Variants in GRIK2 observed in about 807,000 individuals in gnomAD.
GRIK2 encodes the protein glutamate ionotropic receptor kainate type subunit 2, also known as glutamate receptor ionotropic, kainate 2.
Under a neutral mutation model 100.3 loss-of-function variants are expected in GRIK2, and 32 were observed. That is an observed-to-expected ratio of 0.32 (90% CI 0.24 to 0.43). GRIK2 has a LOEUF of 0.43. Among genes scored for constraint, GRIK2 ranks in the 20% least tolerant of loss-of-function variants. The pLI is 1.00. For synonymous variants in GRIK2, 417 were observed against 389.4 expected (o/e 1.07, Z -0.83); for missense variants, 843 against 1,114.9 (o/e 0.76, Z 3.47).
At chr6:101,843,954 TATC>T (rs1298671809) in intron 10 of GRIK2, among the ~76,000 whole-genome samples, 3 of 152,172 alleles carry the variant, frequency 2.0e-5, no homozygotes, top group African/African-American at 7.2e-5. Flanking sequence ...TAAGAGTAGA[TATC>T]ATATCTTTTT....
chr6:101,995,656 C>CA (rs1794611818), intron 14 of GRIK2, among the ~76,000 whole-genome samples: 1 of 151,754 alleles, frequency 6.6e-6, no homozygotes, highest in African/African-American at 2.4e-5. Flanking sequence ...TCAAATATTT[C>CA]AATCCTAGAG....
intron 7 of GRIK2, among the ~76,000 whole-genome samples, chr6:101,772,452 A>G (rs1778465078): frequency 6.6e-6 from 1 of 152,160 alleles, no homozygotes; most frequent in South Asian, 2.1e-4. Flanking sequence ...TACTAGGACC[A>G]TACTCCTGGT....
chr6:101,766,015 A>G (rs1778026426), intron 7 of GRIK2, among the ~76,000 whole-genome samples: 1 of 152,096 alleles, frequency 6.6e-6, no homozygotes, highest in Non-Finnish European at 1.5e-5. Context: ...ACTGTTCTTG[A>G]TTAAAGTATG....
Position 101,984,549 on chromosome 6 carries a change from C to T in GRIK2, c.2086-50792C>T, listed in dbSNP as rs149674887. 2.1e-4 allele frequency among the ~76,000 whole-genome samples: 32 copies of T among 150,748 alleles called. 1 individual carries two copies. In the East Asian group the frequency reaches 6.3e-3, roughly 30 times the overall value. ...CAACAGTTACTTAGGAAGAATTAAA[C>T]TGATGCAGTTACTCTAGTAGAATCA... On this transcript the variant is annotated intron_variant, in intron 14 of 16. Transcript: ENST00000369134.
intron 12 of GRIK2, among the ~76,000 whole-genome samples, chr6:101,917,733 C>T (rs1789212939): frequency 6.6e-6 from 1 of 151,184 alleles, no homozygotes; most frequent in Non-Finnish European, 1.5e-5. Context: ...TTTTTCCCCA[C>T]AAATACAGAA....
At chr6:102,048,938 C>A (rs1466730789) in intron 15 of GRIK2, among the ~76,000 whole-genome samples, 1 of 151,924 alleles carries the variant, frequency 6.6e-6, no homozygotes, top group African/African-American at 2.4e-5. Context: ...AAGCAATACC[C>A]AGTAAGCCCT....
At chr6:101,546,061 A>G (rs2518311) in intron 2 of GRIK2, among the ~76,000 whole-genome samples, 94,521 of 151,806 alleles carry the variant, frequency 0.62, 29,803 homozygotes, top group Middle Eastern at 0.68. Context: ...ACTTACTTAA[A>G]TGTATTGCAT....
chr6:101,994,229 G>A (rs1458352645), intron 14 of GRIK2, among the ~76,000 whole-genome samples: 2 of 150,452 alleles, frequency 1.3e-5, no homozygotes, highest in African/African-American at 4.9e-5. Context: ...ATGATACGAA[G>A]TTCAACATCT....
intron 7 of GRIK2, among the ~76,000 whole-genome samples, chr6:101,719,954 A>G (rs1004286795): frequency 2.0e-5 from 3 of 152,040 alleles, no homozygotes; most frequent in African/African-American, 7.2e-5. Context: ...AAAAGATGAG[A>G]GAGAAAGAGA....
intron 14 of GRIK2, among the ~76,000 whole-genome samples, chr6:101,954,175 A>G (rs1345944680): frequency 6.6e-6 from 1 of 152,192 alleles, no homozygotes; most frequent in African/African-American, 2.4e-5. Context: ...TAGGAAGATC[A>G]TCAGTTTCCT....
chr6:101,790,661 A>C (rs1222844956), intron 7 of GRIK2, among the ~76,000 whole-genome samples: 2 of 148,658 alleles, frequency 1.3e-5, no homozygotes, highest in East Asian at 2.0e-4. Context: ...TATTGGTCTA[A>C]AATTCTCTTT....
rs1234414852 is a variant in GRIK2 at position 101,621,950 on chromosome 6, T to C, written c.117T>C (p.Gly39=). ...SQGTTHVLRF[G]GIFEYVESGP... ...GATTTTTCTCTTTCTTTTTGCCAGG[T>C]GGTATTTTTGAATATGTGGAATCTG... is the stretch of plus-strand genomic sequence containing the variant. Residue 39 remains glycine, a splice_region_variant and synonymous_variant, in exon 3 of 17, where the codon GGT becomes GGC. Transcript: ENST00000369134. 12 of 1,594,270 alleles carry C rather than the reference T, an allele frequency of 7.5e-6. No individual in the cohort carries two copies. The highest frequency in any genetic ancestry group is 3.4e-5 in the Admixed American group (2 of 59,496).
chr6:101,729,275 T>A (rs1775089814), intron 7 of GRIK2, among the ~76,000 whole-genome samples: 1 of 151,962 alleles, frequency 6.6e-6, no homozygotes, highest in Non-Finnish European at 1.5e-5. Context: ...GAGAGAAGTA[T>A]GTTTTCTCCT....
chr6:101,647,893 C>T (rs1023472775), intron 4 of GRIK2, among the ~76,000 whole-genome samples: 8 of 151,928 alleles, frequency 5.3e-5, no homozygotes, highest in Non-Finnish European at 1.0e-4. Context: ...ATATTCATGG[C>T]TTAGGCAAGA....
chr6:101,699,803 A>T (rs1283910167), intron 7 of GRIK2, among the ~76,000 whole-genome samples: 1 of 152,110 alleles, frequency 6.6e-6, no homozygotes, highest in Non-Finnish European at 1.5e-5. Flanking sequence ...AGTTGACTTT[A>T]ATCTATTTAA....
chr6:101,437,149 A>G (rs1479947931), intron 2 of GRIK2, among the ~76,000 whole-genome samples: 1 of 152,066 alleles, frequency 6.6e-6, no homozygotes, highest in Non-Finnish European at 1.5e-5. Flanking sequence ...GAGGAGAGAT[A>G]TTCTATCACT....
chr6:101,541,364 CAGCGCACACA>C (rs1374020786), intron 2 of GRIK2, among the ~76,000 whole-genome samples: 1 of 292 alleles, frequency 3.4e-3, no homozygotes, highest in East Asian at 0.17. Context: ...TGTTACACCC[CAGCGCACACA>C]ACCACACACA....
intron 9 of GRIK2, among the ~76,000 whole-genome samples, chr6:101,805,150 C>G (rs1236686076): frequency 6.6e-6 from 1 of 151,674 alleles, no homozygotes; most frequent in South Asian, 2.1e-4. Context: ...AGTTACCAAC[C>G]CATAGATGGA....
intron 7 of GRIK2, among the ~76,000 whole-genome samples, chr6:101,747,647 A>G (rs765084492): frequency 6.6e-6 from 1 of 151,976 alleles, no homozygotes; most frequent in Non-Finnish European, 1.5e-5. Context: ...TATTTCTGAA[A>G]TAATTCAAAG....
Sources: gnomAD v4.1 joint callset for allele counts (sites outside exome capture counted in the v4.1 genomes callset) on GRCh38, gnomAD v4.1.1 for gene constraint, MANE v1.5 for transcripts, NCBI Gene and HGNC (gene_info 2026-07-23, HGNC 2026-07-21) for gene names.